IFTAP: variants seen among roughly 807,000 people sequenced by gnomAD.
The protein encoded by IFTAP is intraflagellar transport associated protein.
IFTAP carries 19 observed loss-of-function variants against 19.4 expected under a neutral mutation model. That is an observed-to-expected ratio of 0.98 (90% CI 0.68 to 1.44). The LOEUF (loss-of-function observed/expected upper bound fraction) is 1.44, where lower values mean the gene tolerates loss of function less well. IFTAP is among the 40% of genes most tolerant of loss of function. IFTAP has a pLI of 0.00. For missense variants in IFTAP, 240 were observed against 253.6 expected, an observed-to-expected ratio of 0.95 and a Z score of 0.36; for synonymous variants, 85 against 83.5, an observed-to-expected ratio of 1.02 and a Z score of -0.10.
chr11:36,658,943 AG>A (rs1854106452), intron 5 of IFTAP, 75 bp from the exon 6 acceptor site: 2 of 1,068,816 alleles, frequency 1.9e-6, no homozygotes, highest in East Asian at 5.5e-5. Flanking sequence ...AAATATTAAT[AG>A]GGAGTTAATT....
rs542430877 is a variant in IFTAP at position 36,619,438 on chromosome 11, GC to G, written c.136+9200del. On this transcript the variant is annotated intron_variant, in intron 2 of 5. Coordinates refer to ENST00000334307, the MANE Select transcript of IFTAP (RefSeq NM_138787.4). ...AATCTGAAGAATGAATTTAAAATCT[GC>G]TGTAGAAAAATACCAGAGAGAAAAA... Among the ~76,000 whole-genome samples the G allele has an allele frequency of 4.1e-3, 622 of 152,068 alleles. 6 individuals are homozygous for G. The highest frequency in any genetic ancestry group is 0.014 in the African/African-American group (584 of 41,502).
intron 4 of IFTAP, 144 bp from the exon 5 acceptor site, chr11:36,647,872 C>A: frequency 1.1e-5 from 10 of 905,080 alleles, no homozygotes; most frequent in Non-Finnish European, 1.3e-5. Flanking sequence ...GAGTCCAGTT[C>A]CCAAAGGAGG....
chr11:36,631,219 G>A (rs1426323707), intron 2 of IFTAP, among the ~76,000 whole-genome samples: 1 of 151,472 alleles, frequency 6.6e-6, no homozygotes, highest in East Asian at 1.9e-4. Flanking sequence ...TGAGGCAAAA[G>A]GCAAGGGCTA....
chr11:36,598,058 C>G (rs1330847150), intron 1 of IFTAP: 2 of 152,054 alleles, frequency 1.3e-5, no homozygotes, highest in Non-Finnish European at 2.9e-5. Flanking sequence ...CTAACATAGG[C>G]TCCCATTTTT....
At chr11:36,652,685 G>T (rs1362763510) in intron 5 of IFTAP, among the ~76,000 whole-genome samples, 1 of 152,052 alleles carries the variant, frequency 6.6e-6, no homozygotes, top group Non-Finnish European at 1.5e-5. Context: ...TATTGGCTGT[G>T]GGTTTGTCAT....
At chr11:36,651,514 C>T (rs1796306800) in intron 5 of IFTAP, among the ~76,000 whole-genome samples, 1 of 152,158 alleles carries the variant, frequency 6.6e-6, no homozygotes, top group Non-Finnish European at 1.5e-5. Flanking sequence ...CCTGTTCACT[C>T]TGAGGGTAGT....
chr11:36,610,480 A>G (rs1851843485), intron 2 of IFTAP, among the ~76,000 whole-genome samples: 1 of 152,190 alleles, frequency 6.6e-6, no homozygotes, highest in Non-Finnish European at 1.5e-5. Flanking sequence ...ATAACTAAAA[A>G]TGACTTGAGA....
At chr11:36,600,593 G>C (rs536680385) in intron 1 of IFTAP, among the ~76,000 whole-genome samples, 1 of 152,280 alleles carries the variant, frequency 6.6e-6, no homozygotes, top group South Asian at 2.1e-4. Flanking sequence ...TCTCTGGTGC[G>C]AAAAAGGTTG....
chr11:36,655,388 A>G (rs1853934593), intron 5 of IFTAP, among the ~76,000 whole-genome samples: 1 of 152,152 alleles, frequency 6.6e-6, no homozygotes, highest in Admixed American at 6.6e-5. Context: ...TGGGTCAGGT[A>G]TTCCTTCTGT....
chr11:36,627,052 T>A (rs1852542533), intron 2 of IFTAP, among the ~76,000 whole-genome samples: 1 of 151,242 alleles, frequency 6.6e-6, no homozygotes, highest in African/African-American at 2.5e-5. Context: ...CAAACTTCAA[T>A]AAGGTTATGC....
intron 2 of IFTAP, among the ~76,000 whole-genome samples, chr11:36,624,748 G>C (rs1852443281): frequency 6.6e-6 from 1 of 152,094 alleles, no homozygotes; most frequent in African/African-American, 2.4e-5. Flanking sequence ...GGGTGTGGGG[G>C]GGTGTCATCC....
chr11:36,617,438 T>C (rs1192181811), intron 2 of IFTAP, among the ~76,000 whole-genome samples: 1 of 151,772 alleles, frequency 6.6e-6, no homozygotes, highest in Non-Finnish European at 1.5e-5. Flanking sequence ...ATAAACTTTA[T>C]ATATAAACTT....
chr11:36,612,315 A>G (rs184580055), intron 2 of IFTAP, among the ~76,000 whole-genome samples: 2 of 151,674 alleles, frequency 1.3e-5, no homozygotes, highest in Admixed American at 6.6e-5. Context: ...CCTAGGCACC[A>G]GTGCACATTA....
Position 36,648,466 on chromosome 11 carries a change from G to A in IFTAP, c.498+311G>A, listed in dbSNP as rs1590233369. On this transcript the variant is annotated intron_variant, in intron 5 of 5. Transcript: ENST00000334307. ...TTCTTGCCCTTTTTAGTTTGAACTG[G>A]CCGTTTTTATTATTACTGATAAGGT... The A allele has an allele frequency of 1.8e-5, 4 of 223,082 alleles. No individual in the cohort carries two copies. In the East Asian group the frequency reaches 3.0e-4, roughly 16 times the overall value. The allele number at this position is 223,082 out of a possible 1,614,324, so 13.8% of individuals were successfully genotyped here.
intron 5 of IFTAP, among the ~76,000 whole-genome samples, chr11:36,656,279 AGAGT>A (rs1335356359): frequency 3.3e-5 from 5 of 152,168 alleles, no homozygotes; most frequent in South Asian, 2.1e-4. Context: ...AACTCAATCA[AGAGT>A]AAGAGGCCAG....
intron 2 of IFTAP, among the ~76,000 whole-genome samples, chr11:36,625,567 ATT>A (rs1852479461): frequency 1.3e-5 from 2 of 152,138 alleles, no homozygotes; most frequent in Non-Finnish European, 2.9e-5. Context: ...GGACATTTGA[ATT>A]ATTTCTAATT....
At chr11:36,648,235 C>T in intron 5 of IFTAP, 80 bp downstream of exon 5, 2 of 1,458,914 alleles carry the variant, frequency 1.4e-6, no homozygotes, top group Non-Finnish European at 1.8e-6. Context: ...CTGCATGCTT[C>T]TGTATTTTTC....
Position 36,655,367 on chromosome 11 carries a change from C to A in IFTAP, c.499-3652C>A, listed in dbSNP as rs371243126. On this transcript the variant is annotated intron_variant, in intron 5 of 5. Coordinates refer to ENST00000334307, the MANE Select transcript of IFTAP (RefSeq NM_138787.4). Reference sequence around the variant, plus strand: ...TTCTCTGATTCCTTCCCAATCCCCTCCAACTTAGTCTGGGTCAGGTATTCC... The same window carrying A: ...TTCTCTGATTCCTTCCCAATCCCCTACAACTTAGTCTGGGTCAGGTATTCC... Among the ~76,000 whole-genome samples, 186 of 152,312 alleles carry A rather than the reference C, an allele frequency of 1.2e-3. 1 individual carries two copies. The South Asian group carries it at 0.026, about 21-fold the overall frequency.
rs1204330110 is a variant in IFTAP, at chr11:36,596,232, T to G, written c.-24+1640T>G. Among the ~76,000 whole-genome samples, 4 of 150,900 alleles carry G rather than the reference T, an allele frequency of 2.7e-5. 1 individual carries two copies. Among genetic ancestry groups the G allele is most frequent in the African/African-American group, 7.3e-5 (3 of 40,996 alleles). ...TAGTGTTTTTTTTTTGTTTTTTTTT[T>G]TTTTTGCTTTAAAGAACTTCTGTAG... is the stretch of plus-strand genomic sequence containing the variant. On this transcript the variant is annotated intron_variant, in intron 1 of 5. Coordinates refer to ENST00000334307, the MANE Select transcript of IFTAP (RefSeq NM_138787.4).
Sources: allele counts gnomAD v4.1 joint callset (sites outside exome capture counted in the v4.1 genomes callset), GRCh38; gene constraint gnomAD v4.1.1; transcripts MANE v1.5; gene names NCBI Gene and HGNC (gene_info 2026-07-23, HGNC 2026-07-21).